The following ARHGAP29 variants were observed in gnomAD, a reference collection of about 807,000 sequenced individuals.
ARHGAP29 encodes rho GTPase-activating protein 29.
Under a neutral mutation model 122.6 loss-of-function variants are expected in ARHGAP29, and 43 were observed. That is an observed-to-expected ratio of 0.35 (90% CI 0.27 to 0.45). The LOEUF (loss-of-function observed/expected upper bound fraction) is 0.45. ARHGAP29 is among the 20% of genes least tolerant of loss of function. ARHGAP29 has a pLI of 1.00. For synonymous variants in ARHGAP29, 506 were observed against 497.1 expected (o/e 1.02, Z -0.24); for missense variants, 1,303 against 1,477.2 (o/e 0.88, Z 1.93).
At chr1:94,287,809 T>C in the ARHGAP29 span, among the ~76,000 whole-genome samples, 2 of 151,872 alleles carry the variant, frequency 1.3e-5, no homozygotes, top group African/African-American at 4.9e-5. Flanking sequence ...GCTTCATCCA[T>C]GTCCCTGCAA....
intron 1 of ARHGAP29, among the ~76,000 whole-genome samples, chr1:94,262,771 G>A (rs779503662): frequency 4.6e-5 from 7 of 152,110 alleles, no homozygotes; most frequent in African/African-American, 7.2e-5. Context: ...GCAAGGTTGC[G>A]GAGAAAAAGA....
chr1:94,211,511 A>G (rs1651618065), intron 3 of ARHGAP29, among the ~76,000 whole-genome samples: 1 of 152,116 alleles, frequency 6.6e-6, no homozygotes, highest in African/African-American at 2.4e-5. Flanking sequence ...CCTTGACAAG[A>G]CATTTATATG....
intron 4 of ARHGAP29, 55 bp from the exon 5 acceptor site, chr1:94,208,959 G>A (rs1318219006): frequency 6.8e-7 from 1 of 1,464,374 alleles, no homozygotes; most frequent in South Asian, 1.2e-5. Flanking sequence ...TTTGTGACAG[G>A]GTTTACATTC....
At chr1:94,190,155 A>G in intron 12 of ARHGAP29, 72 bp from the exon 13 acceptor site, 1 of 1,480,818 alleles carries the variant, frequency 6.8e-7, no homozygotes, top group Non-Finnish European at 9.2e-7. Context: ...CATTTATTTC[A>G]ATGACTGCAC....
rs1309586921 is a variant in ARHGAP29, at chr1:94,173,093, TG to T, written c.*775del. 1.3e-5 allele frequency: 2 copies of T among 152,652 alleles called. No individual in the cohort carries two copies. The highest frequency in any genetic ancestry group is 3.9e-4 in the East Asian group (2 of 5,178). The allele number at this position is 152,652 out of a possible 1,614,324, so 9.5% of individuals were successfully genotyped here. A position where few individuals can be genotyped will look rare whatever the true frequency, so the allele number is the denominator to read the frequency against. ...AAAATACTAAAAAGTTCAGAACTGC[TG>T]AAAAACAAAAGTTTATATAAAATAA... is the stretch of plus-strand genomic sequence containing the variant. On this transcript the variant is annotated 3_prime_UTR_variant, in exon 23 of 23. Coordinates refer to ENST00000260526, the MANE Select transcript of ARHGAP29 (RefSeq NM_004815.4).
chr1:94,198,764 C>T (rs999156466), intron 12 of ARHGAP29, among the ~76,000 whole-genome samples: 1 of 152,030 alleles, frequency 6.6e-6, no homozygotes, highest in Non-Finnish European at 1.5e-5. Flanking sequence ...AGTCAATGCT[C>T]CCCAGTCTGA....
At chr1:94,209,096 G>A (rs534629426) in intron 4 of ARHGAP29, among the ~76,000 whole-genome samples, 158 bp downstream of exon 4, 1 of 152,056 alleles carries the variant, frequency 6.6e-6, no homozygotes, top group Non-Finnish European at 1.5e-5. Context: ...AAATATCTTC[G>A]AATATAGTAA....
At chr1:94,260,657 A>C (rs1030176698) in intron 1 of ARHGAP29, among the ~76,000 whole-genome samples, 2 of 152,176 alleles carry the variant, frequency 1.3e-5, no homozygotes, top group African/African-American at 2.4e-5. Flanking sequence ...TAGTAGGTAG[A>C]GAGATTGGAA....
intron 12 of ARHGAP29, among the ~76,000 whole-genome samples, chr1:94,196,407 G>T (rs889932777): frequency 6.7e-6 from 1 of 150,298 alleles, no homozygotes; most frequent in Non-Finnish European, 1.5e-5. Flanking sequence ...GACTACAGGC[G>T]CCCGCTACCA....
At chr1:94,259,180 G>A (rs1654469279) in intron 1 of ARHGAP29, among the ~76,000 whole-genome samples, 1 of 152,144 alleles carries the variant, frequency 6.6e-6, no homozygotes, top group African/African-American at 2.4e-5. Context: ...CTTTTACTAG[G>A]TGTCTGTCCC....
chr1:94,217,260 G>C (rs1320156942), intron 3 of ARHGAP29, among the ~76,000 whole-genome samples: 4 of 152,168 alleles, frequency 2.6e-5, no homozygotes, highest in Non-Finnish European at 2.9e-5. Flanking sequence ...GGGGCCGGGA[G>C]CGGTGGCTCA....
At chr1:94,290,494 A>C in the ARHGAP29 span, among the ~76,000 whole-genome samples, 1 of 152,018 alleles carries the variant, frequency 6.6e-6, no homozygotes, top group Non-Finnish European at 1.5e-5. Context: ...TTGTTTTTCT[A>C]GTTCTTTTAA....
At chr1:94,288,665 A>C in the ARHGAP29 span, among the ~76,000 whole-genome samples, 1 of 152,036 alleles carries the variant, frequency 6.6e-6, no homozygotes, top group Non-Finnish European at 1.5e-5. Context: ...ATCTTGAGTT[A>C]ATTTTTGTAT....
chr1:94,183,580 CA>C (rs956754197), intron 19 of ARHGAP29, among the ~76,000 whole-genome samples: 2 of 152,116 alleles, frequency 1.3e-5, no homozygotes, highest in Admixed American at 1.3e-4. Flanking sequence ...CCAGGTGCTC[CA>C]AATGTAGTAC....
rs187873184 is a variant in ARHGAP29, at chr1:94,188,921, A to T, written c.1597T>A (p.Trp533Arg). Residue 533 changes from tryptophan to arginine, a missense_variant, in exon 15 of 23, where the codon TGG (tryptophan) becomes AGG (arginine). By Grantham distance (101) the Trp-to-Arg change is moderately radical. Coordinates refer to ENST00000260526, the MANE Select transcript of ARHGAP29 (RefSeq NM_004815.4). ...GAATCACTAAACATCCCAAATGTCC[A>T]TGATCTTATAAAGGAAGGACCTTTA... ...DITGPSFIRS[W>R]TFGMFSDSES... 8 of 1,613,040 alleles carry T rather than the reference A, an allele frequency of 5.0e-6. No homozygotes were observed. Among genetic ancestry groups the T allele is most frequent in the African/African-American group, 1.3e-5 (1 of 75,002 alleles).
chr1:94,278,327 A>G (rs912752102), upstream of ARHGAP29, among the ~76,000 whole-genome samples: 23 of 152,152 alleles, frequency 1.5e-4, no homozygotes, highest in African/African-American at 5.5e-4. Context: ...TCTAAAAAAA[A>G]AAAATTATTA....
chr1:94,258,320 T>C (rs1407553191), intron 1 of ARHGAP29, among the ~76,000 whole-genome samples: 1 of 152,260 alleles, frequency 6.6e-6, no homozygotes, highest in Non-Finnish European at 1.5e-5. Flanking sequence ...ACCTGGTCTC[T>C]CAATTTTTTA....
chr1:94,193,426 T>G (rs1570512355), intron 12 of ARHGAP29: 1 of 146,250 alleles, frequency 6.8e-6, no homozygotes, highest in Non-Finnish European at 1.5e-5. Flanking sequence ...TTTTCAAGAG[T>G]CAAACTTGTA....
chr1:94,231,793 A>T, intron 1 of ARHGAP29, 150 bp from the exon 2 acceptor site: 1 of 607,512 alleles, frequency 1.6e-6, no homozygotes, highest in Non-Finnish European at 2.8e-6. Context: ...AAAATCAAAA[A>T]TCAATAATCA....
Sources: allele counts gnomAD v4.1 joint callset (sites outside exome capture counted in the v4.1 genomes callset), GRCh38; gene constraint gnomAD v4.1.1; transcripts MANE v1.5; gene names NCBI Gene and HGNC (gene_info 2026-07-23, HGNC 2026-07-21).